The following DNAH12 variants were observed in gnomAD, a reference collection of about 807,000 sequenced individuals.
DNAH12 encodes the protein axonemal beta dynein heavy chain 12.
Under a neutral mutation model 371.5 loss-of-function variants are expected in DNAH12, and 285 were observed. The observed-to-expected ratio is 0.77, with a 90% CI of 0.70 to 0.85. DNAH12 has a LOEUF of 0.85. Ranked by LOEUF, DNAH12 falls within the 40% of genes least tolerant of loss-of-function variation. The pLI is 0.00. For missense variants in DNAH12, 3,611 were observed against 3,689.4 expected (o/e 0.98, Z 0.55); for synonymous variants, 1,200 against 1,213.0 (o/e 0.99, Z 0.22).
intron 65 of DNAH12, among the ~76,000 whole-genome samples, chr3:57,315,793 G>A (rs1480384136): frequency 6.6e-6 from 1 of 152,186 alleles, no homozygotes; most frequent in Non-Finnish European, 1.5e-5. Context: ...TCTCTGAATA[G>A]TTGAAGGTTG....
intron 11 of DNAH12, among the ~76,000 whole-genome samples, chr3:57,493,203 A>G (rs2067192227): frequency 6.6e-6 from 1 of 152,242 alleles, no homozygotes; most frequent in Non-Finnish European, 1.5e-5. Context: ...TAAAGAGAAT[A>G]CAGTTGGCCC....
At position 57,457,677 on chromosome 3, in the gene DNAH12, C is replaced by T. The variant is rs753170578; in HGVS notation, c.3336+44G>A. On this transcript the variant is annotated intron_variant, in intron 22 of 73. Transcript: ENST00000495027. ...GGTTTCCAAAACCTCTTAAACAAAG[C>T]ATTTGCAGAATATAGGGTATATATC... The T allele has an allele frequency of 4.7e-6, 7 of 1,485,714 alleles. No homozygotes were observed. In the East Asian group the frequency reaches 1.8e-4, roughly 37 times the overall value. 92.0% of individuals were successfully genotyped at this position (1,485,714 alleles called of 1,614,324 possible).
intron 29 of DNAH12, 103 bp downstream of exon 29, chr3:57,444,594 C>T (rs1466664660): frequency 1.3e-6 from 2 of 1,483,788 alleles, no homozygotes; most frequent in East Asian, 2.5e-5. Flanking sequence ...AGGGGATTTT[C>T]CTCAAAACAG....
At chr3:57,417,941 A>C (rs1422031213) in intron 37 of DNAH12, among the ~76,000 whole-genome samples, 2 of 152,144 alleles carry the variant, frequency 1.3e-5, no homozygotes, top group African/African-American at 4.8e-5. Flanking sequence ...ATTTGAGGCC[A>C]GGAGTTCAAG....
chr3:57,513,806 A>G (rs1409620532), intron 4 of DNAH12, among the ~76,000 whole-genome samples: 1 of 152,162 alleles, frequency 6.6e-6, no homozygotes, highest in Non-Finnish European at 1.5e-5. Flanking sequence ...TGACCCCCAC[A>G]TTCTTTTGTG....
At chr3:57,554,835 T>C in the DNAH12 span, among the ~76,000 whole-genome samples, 1 of 152,068 alleles carries the variant, frequency 6.6e-6, no homozygotes, top group Non-Finnish European at 1.5e-5. Flanking sequence ...CAGGCTGGTC[T>C]CGAACTCCTG....
chr3:57,446,095 C>A lies in DNAH12; in HGVS notation c.4115G>T (p.Cys1372Phe). Residue 1372 changes from cysteine to phenylalanine, a missense_variant, in exon 27 of 74, where the codon TGT (cysteine) becomes TTT (phenylalanine). By Grantham distance (205) the Cys-to-Phe change is radical. This residue lies in a region of DNAH12 where 2,266 missense variants were observed against 2,236.9 expected (regional missense o/e 1.01). Transcript: ENST00000495027. ...AGGATTCATGGTAATAGCTACAAAA[C>A]AATTCGGATTGAGCTTAAGTTCTGT... Reference protein sequence around the residue: ...EGTELKLNPNCFVAITMNPGY... With the variant: ...EGTELKLNPNFFVAITMNPGY... 1 of 1,551,656 alleles carries A rather than the reference C, an allele frequency of 6.4e-7. No individual in the cohort carries two copies. The highest frequency in any genetic ancestry group is 8.7e-7 in the Non-Finnish European group (1 of 1,146,990).
chr3:57,449,220 T>A (rs1367978903), intron 25 of DNAH12, among the ~76,000 whole-genome samples: 1 of 151,710 alleles, frequency 6.6e-6, no homozygotes, highest in African/African-American at 2.4e-5. Flanking sequence ...GTATTTACAA[T>A]CCCTGAGCTA....
chr3:57,399,860 A>C (rs1249593240), intron 43 of DNAH12, among the ~76,000 whole-genome samples: 1 of 152,196 alleles, frequency 6.6e-6, no homozygotes, highest in Non-Finnish European at 1.5e-5. Flanking sequence ...ATTTTCTTTT[A>C]TCTGGCGTAC....
chr3:57,508,287 G>T (rs2067849534), intron 7 of DNAH12, 95 bp downstream of exon 7: 8 of 1,168,970 alleles, frequency 6.8e-6, no homozygotes, highest in Non-Finnish European at 5.7e-6. Context: ...AGAGAAAAGT[G>T]TTGAAGATTT....
intron 68 of DNAH12, 31 bp downstream of exon 68, chr3:57,309,631 ATATT>A (rs773245864): frequency 7.1e-7 from 1 of 1,405,802 alleles, no homozygotes; most frequent in Non-Finnish European, 9.3e-7. Flanking sequence ...ATTTTTATTT[ATATT>A]ATAAGTAACA....
chr3:57,452,613 AT>A (rs766411477), intron 25 of DNAH12, among the ~76,000 whole-genome samples: 1 of 152,164 alleles, frequency 6.6e-6, no homozygotes, highest in Non-Finnish European at 1.5e-5. Flanking sequence ...CTTTCTAATT[AT>A]CCCCCATCGG....
At chr3:57,407,955 C>T (rs569028690) in intron 40 of DNAH12, among the ~76,000 whole-genome samples, 2 of 152,138 alleles carry the variant, frequency 1.3e-5, no homozygotes, top group South Asian at 2.1e-4. Context: ...TAGAAAAATA[C>T]CTGTGATGTG....
At chr3:57,352,962 G>A (rs145051183) in intron 59 of DNAH12, among the ~76,000 whole-genome samples, 5 of 151,976 alleles carry the variant, frequency 3.3e-5, no homozygotes, top group African/African-American at 7.2e-5. Flanking sequence ...GGTGGTACAC[G>A]CCTGTAATCC....
chr3:57,494,981 C>A (rs960938940), intron 11 of DNAH12, among the ~76,000 whole-genome samples: 1 of 149,606 alleles, frequency 6.7e-6, no homozygotes, highest in African/African-American at 2.5e-5. Context: ...TACAATCCAG[C>A]CTGGGCAACA....
At chr3:57,297,124 A>G in intron 70 of DNAH12, 140 bp from the exon 71 acceptor site, 1 of 885,178 alleles carries the variant, frequency 1.1e-6, no homozygotes, top group East Asian at 2.7e-5. Context: ...CGTCAAACAC[A>G]CAGCCTACCT....
At chr3:57,547,004 A>T (rs1192236618), upstream of DNAH12, among the ~76,000 whole-genome samples, 1 of 152,078 alleles carries the variant, frequency 6.6e-6, no homozygotes, top group African/African-American at 2.4e-5. Context: ...AAATTAAAAA[A>T]ATAATAATAA....
rs1387475804 is a variant in DNAH12 at position 57,489,626 on chromosome 3, T to C, written c.1397A>G (p.Tyr466Cys). 6.5e-7 allele frequency: 1 copy of C among 1,537,496 alleles called. No homozygotes were observed. The highest frequency in any genetic ancestry group is 2.1e-5 in the Admixed American group (1 of 47,404). The change falls in exon 12 of 74, where the codon TAC becomes TGC. Residue 466 changes from tyrosine (Y) to cysteine (C), a missense_variant. Tyr to Cys is a radical substitution (Grantham distance 194). Coordinates refer to ENST00000495027, the MANE Select transcript of DNAH12 (RefSeq NM_001366028.2). ...EIMLLPQWIHYTMVRLDCEDL... is the reference protein window; with the variant it reads ...EIMLLPQWIHCTMVRLDCEDL... Reference sequence around the variant, plus strand: ...TTCACAATCCAAACGCACCATAGTGTAATGAATCCACTGAGGCAAAAGCAT... The same window carrying C: ...TTCACAATCCAAACGCACCATAGTGCAATGAATCCACTGAGGCAAAAGCAT...
chr3:57,499,305 T>C (rs1456348541), intron 11 of DNAH12, among the ~76,000 whole-genome samples: 1 of 152,092 alleles, frequency 6.6e-6, no homozygotes, highest in Admixed American at 6.6e-5. Flanking sequence ...TACGTAAGTG[T>C]ACACATTTGT....
Sources: gnomAD v4.1 joint callset for allele counts (sites outside exome capture counted in the v4.1 genomes callset) on GRCh38, gnomAD v4.1.1 for gene constraint, gnomAD v4.1.1 regional missense constraint, MANE v1.5 for transcripts, NCBI Gene and HGNC (gene_info 2026-07-23, HGNC 2026-07-21) for gene names.